Variants in TENM3 observed in about 807,000 individuals in gnomAD.
TENM3 encodes the protein teneurin transmembrane protein 3.
In TENM3, 63 loss-of-function variants were observed where a neutral mutation model predicts 255.1. The observed-to-expected ratio is 0.25, with a 90% CI of 0.20 to 0.30. The LOEUF is 0.30. TENM3 is among the 10% of genes least tolerant of loss of function. The probability of loss-of-function intolerance (pLI) is 1.00; values close to 1 mark genes in which losing one functional copy is unlikely to be tolerated. For synonymous variants in TENM3, 1,306 were observed against 1,322.3 expected, an observed-to-expected ratio of 0.99 and a Z score of 0.27; for missense variants, 2,929 against 3,461.1, an observed-to-expected ratio of 0.85 and a Z score of 3.86.
chr4:181,561,820 T>G, the TENM3 span, among the ~76,000 whole-genome samples: 44,280 of 152,116 alleles, frequency 0.29, 7,115 homozygotes, highest in Middle Eastern at 0.44. Context: ...TAGAATTTCC[T>G]GTTCAAAGAG....
the TENM3 span, among the ~76,000 whole-genome samples, chr4:181,991,410 T>C: frequency 6.6e-6 from 1 of 152,282 alleles, no homozygotes; most frequent in African/African-American, 2.4e-5. Flanking sequence ...AAATAAGTTA[T>C]GTAAAAGGTT....
At chr4:181,807,188 A>G in the TENM3 span, among the ~76,000 whole-genome samples, 23 of 152,214 alleles carry the variant, frequency 1.5e-4, no homozygotes, top group African/African-American at 4.8e-4. Context: ...ACAAATCGCA[A>G]ATTCCTCAAC....
chr4:182,263,326 C>T (rs1456652267), intron 1 of TENM3, among the ~76,000 whole-genome samples: 2 of 152,032 alleles, frequency 1.3e-5, no homozygotes, highest in Admixed American at 1.3e-4. Context: ...AGGGGAGCTC[C>T]CCATGTCCCT....
chr4:182,187,848 T>C (rs968987710), intron 1 of TENM3, among the ~76,000 whole-genome samples: 1 of 152,188 alleles, frequency 6.6e-6, no homozygotes, highest in African/African-American at 2.4e-5. Context: ...TTATTCCTTA[T>C]GGAAACTGCT....
At chr4:181,856,629 G>T in the TENM3 span, among the ~76,000 whole-genome samples, 84,407 of 151,992 alleles carry the variant, frequency 0.56, 25,101 homozygotes, top group South Asian at 0.67. Flanking sequence ...TGGTGTGATT[G>T]TCCCTCCAGC....
the TENM3 span, among the ~76,000 whole-genome samples, chr4:181,670,596 G>A: frequency 6.6e-6 from 1 of 152,182 alleles, no homozygotes; most frequent in Non-Finnish European, 1.5e-5. Flanking sequence ...GTAGACACAA[G>A]GCACTGAAGT....
At chr4:182,257,700 G>A (rs1758502180) in intron 1 of TENM3, among the ~76,000 whole-genome samples, 1 of 152,138 alleles carries the variant, frequency 6.6e-6, no homozygotes, top group South Asian at 2.1e-4. Flanking sequence ...TTACCTGGGG[G>A]TGTTATGTAA....
the TENM3 span, among the ~76,000 whole-genome samples, chr4:181,755,965 A>T: frequency 1.3e-5 from 2 of 152,090 alleles, no homozygotes; most frequent in Non-Finnish European, 2.9e-5. Flanking sequence ...CTGTCACGTC[A>T]TTGATAGCAG....
At chr4:182,070,520 G>A in the TENM3 span, among the ~76,000 whole-genome samples, 8 of 152,136 alleles carry the variant, frequency 5.3e-5, no homozygotes, top group Non-Finnish European at 8.8e-5. Flanking sequence ...GGGAGGGTGA[G>A]GCAGGAAAAT....
chr4:182,717,850 A>G (rs1282100211), intron 13 of TENM3, among the ~76,000 whole-genome samples: 1 of 152,220 alleles, frequency 6.6e-6, no homozygotes, highest in Non-Finnish European at 1.5e-5. Flanking sequence ...TTTGTTGCTC[A>G]TATCCCAAAA....
the TENM3 span, among the ~76,000 whole-genome samples, chr4:181,945,572 A>C: frequency 6.6e-6 from 1 of 151,932 alleles, no homozygotes; most frequent in Non-Finnish European, 1.5e-5. Flanking sequence ...CAGGTAACTT[A>C]GTCAATCTGC....
chr4:182,619,379 C>T (rs949902404), intron 4 of TENM3, among the ~76,000 whole-genome samples: 7 of 151,460 alleles, frequency 4.6e-5, no homozygotes, highest in African/African-American at 1.7e-4. Context: ...TGCGGTGAGC[C>T]GAGATCACGC....
chr4:181,646,031 A>G, the TENM3 span, among the ~76,000 whole-genome samples: 1 of 152,128 alleles, frequency 6.6e-6, no homozygotes, highest in Non-Finnish European at 1.5e-5. Flanking sequence ...AGGTGCAGGC[A>G]AACTATGGAC....
At chr4:181,679,324 T>C in the TENM3 span, among the ~76,000 whole-genome samples, 2 of 152,284 alleles carry the variant, frequency 1.3e-5, no homozygotes, top group African/African-American at 4.8e-5. Context: ...TTCCGGGGGC[T>C]GCCCCATTCA....
At chr4:181,477,063 AATTCATTCATTC>A in the TENM3 span, among the ~76,000 whole-genome samples, 1,558 of 150,266 alleles carry the variant, frequency 0.01, 18 homozygotes, top group African/African-American at 0.024. Context: ...AGGAAAACCC[AATTCATTCATTC>A]ATTCATTCAT....
intron 3 of TENM3, among the ~76,000 whole-genome samples, chr4:182,597,244 T>C (rs1747343805): frequency 6.6e-6 from 1 of 151,950 alleles, no homozygotes; most frequent in Admixed American, 6.6e-5. Context: ...CTCGACAAAA[T>C]TATATTTTAA....
intron 3 of TENM3, among the ~76,000 whole-genome samples, chr4:182,482,487 A>G (rs1049385714): frequency 1.3e-5 from 2 of 152,198 alleles, no homozygotes; most frequent in Non-Finnish European, 2.9e-5. Context: ...TCCTGCAACT[A>G]TTATTGTGGA....
chr4:182,340,035 A>G (rs1764386643), intron 2 of TENM3, among the ~76,000 whole-genome samples: 1 of 152,180 alleles, frequency 6.6e-6, no homozygotes, highest in Admixed American at 6.6e-5. Context: ...TACGTCAGCC[A>G]ACTCACAACC....
the TENM3 span, among the ~76,000 whole-genome samples, chr4:181,888,494 G>GTATATATATGTATGTA: frequency 1.8e-3 from 51 of 28,218 alleles, no homozygotes; most frequent in African/African-American, 8.7e-3. Context: ...ATAGAAATGT[G>GTATATATATGTATGTA]TATATATATA....
Sources: allele counts gnomAD v4.1 joint callset (sites outside exome capture counted in the v4.1 genomes callset), GRCh38; gene constraint gnomAD v4.1.1; transcripts MANE v1.5; gene names NCBI Gene and HGNC (gene_info 2026-07-23, HGNC 2026-07-21).